TOGARAM1: variants seen among roughly 807,000 people sequenced by gnomAD.
TOGARAM1 encodes the protein TOG array regulator of axonemal microtubules 1.
In TOGARAM1, 100 loss-of-function variants were observed where a neutral mutation model predicts 166.6. The ratio of observed to expected loss-of-function variants is 0.60; its 90% CI spans 0.51 to 0.71. The LOEUF is 0.71. TOGARAM1 is among the 30% of genes least tolerant of loss of function. The pLI, the probability that TOGARAM1 is intolerant of heterozygous loss-of-function variation, is 0.00. For missense variants in TOGARAM1, 2,029 were observed against 2,102.7 expected (o/e 0.96, Z 0.69); for synonymous variants, 758 against 763.8 (o/e 0.99, Z 0.13).
chr14:44,971,887 GGTAATTTA>G (rs760409910), intron 1 of TOGARAM1, among the ~76,000 whole-genome samples: 5 of 152,108 alleles, frequency 3.3e-5, no homozygotes, highest in Admixed American at 6.6e-5. Context: ...ACTGAGACAA[GGTAATTTA>G]TAAAGAAAAG....
At chr14:44,965,786 G>A (rs534172498) in intron 1 of TOGARAM1, among the ~76,000 whole-genome samples, 17 of 151,608 alleles carry the variant, frequency 1.1e-4, no homozygotes, top group Admixed American at 3.3e-4. Flanking sequence ...AGAATACCCC[G>A]ACAACTTTTC....
chr14:45,046,665 T>C lies in TOGARAM1; in HGVS notation c.4275T>C (p.Ala1425=). ...ATATGGCTGAACGCATATTACCAGC[T>C]GCTGCTAAGTTTGCTCAAGACAGTT... The part of the protein sequence containing the change: ...AKDMAERILP[A]AAKFAQDSSQ... Residue 1425 remains alanine, a synonymous_variant, in exon 14 of 20, where the codon GCT becomes GCC. Coordinates refer to ENST00000361462, the MANE Select transcript of TOGARAM1 (RefSeq NM_001308120.2). 2 of 1,329,718 alleles carry C rather than the reference T, an allele frequency of 1.5e-6. No homozygotes were observed. 82.4% of individuals were successfully genotyped at this position (1,329,718 alleles called of 1,614,324 possible). A position where few individuals can be genotyped will look rare whatever the true frequency, so the allele number is the denominator to read the frequency against.
chr14:45,069,193 AC>A (rs1883270440), intron 18 of TOGARAM1, among the ~76,000 whole-genome samples: 1 of 151,880 alleles, frequency 6.6e-6, no homozygotes, highest in Non-Finnish European at 1.5e-5. Context: ...ATATAGTGAA[AC>A]CCCATCTCTA....
intron 16 of TOGARAM1, among the ~76,000 whole-genome samples, chr14:45,063,479 GTTTTTTTT>G (rs373702236): frequency 8.4e-6 from 1 of 118,690 alleles, no homozygotes; most frequent in Admixed American, 8.4e-5. Flanking sequence ...ATTTGACAAA[GTTTTTTTT>G]TTTTTTTTTT....
intron 1 of TOGARAM1, among the ~76,000 whole-genome samples, chr14:44,973,868 G>A (rs557586416): frequency 1.3e-5 from 2 of 151,588 alleles, no homozygotes; most frequent in South Asian, 4.2e-4. Flanking sequence ...TGAGAAGTTA[G>A]ATGTAATTCT....
intron 16 of TOGARAM1, among the ~76,000 whole-genome samples, chr14:45,061,331 ATCT>A (rs1882893072): frequency 1.3e-5 from 2 of 152,186 alleles, no homozygotes; most frequent in African/African-American, 4.8e-5. Context: ...ATTCTCCAGC[ATCT>A]TCTTGTATTT....
intron 13 of TOGARAM1, among the ~76,000 whole-genome samples, chr14:45,045,673 A>G (rs982100874): frequency 4.0e-5 from 4 of 100,320 alleles, no homozygotes; most frequent in African/African-American, 1.3e-4. Context: ...ATATATGTGT[A>G]TATATATACA....
At chr14:44,983,884 G>T (rs1178974153) in intron 1 of TOGARAM1, among the ~76,000 whole-genome samples, 1 of 152,062 alleles carries the variant, frequency 6.6e-6, no homozygotes. Context: ...TGTAAATGTT[G>T]CTTATGTCAG....
rs765749477 is a variant in TOGARAM1, at chr14:44,963,446, C to G, written c.1025C>G (p.Ser342Cys). ...CCCCTTCCCTGTGCAGTGACTCTTT[C>G]CAACAGCAATCTTAAATTTGGGATT... ...EDPLPCAVTL[S>C]NSNLKFGIIP... is the part of the protein sequence containing the mutation. Residue 342 changes from serine (S) to cysteine (C), a missense_variant, in exon 1 of 20, where the codon TCC (serine) becomes TGC (cysteine). Physicochemically the swap from Ser to Cys is moderately radical, Grantham distance 112. Around this residue, in one of 2 missense-constraint regions of TOGARAM1, gnomAD observed 1,453 missense variants for 1,432.2 expected, o/e 1.01. Coordinates refer to ENST00000361462, the MANE Select transcript of TOGARAM1 (RefSeq NM_001308120.2). 21 of 1,614,042 alleles carry G rather than the reference C, an allele frequency of 1.3e-5. No individual in the cohort carries two copies. The highest frequency in any genetic ancestry group is 1.8e-5 in the Non-Finnish European group (21 of 1,180,040).
chr14:45,045,703 G>A (rs945431834), intron 13 of TOGARAM1, among the ~76,000 whole-genome samples: 2 of 95,392 alleles, frequency 2.1e-5, no homozygotes, highest in Admixed American at 1.0e-4. Flanking sequence ...ACATATATAT[G>A]TGTATATATA....
intron 16 of TOGARAM1, among the ~76,000 whole-genome samples, chr14:45,062,624 C>T (rs769556233): frequency 5.5e-4 from 83 of 152,092 alleles, no homozygotes; most frequent in Non-Finnish European, 2.2e-4. Context: ...GCATTTAGTA[C>T]AGTAGAAACT....
intron 14 of TOGARAM1, 115 bp from the exon 15 acceptor site, chr14:45,052,321 G>T: frequency 1.3e-6 from 1 of 761,028 alleles, no homozygotes; most frequent in Non-Finnish European, 2.1e-6. Context: ...ATATAGGGAT[G>T]GTAATCTTGA....
intron 11 of TOGARAM1, 30 bp from the exon 12 acceptor site, chr14:45,043,656 G>T: frequency 8.1e-7 from 1 of 1,238,766 alleles, no homozygotes; most frequent in South Asian, 1.2e-5. Flanking sequence ...CCCATTTAAC[G>T]AATGATCTTG....
chr14:45,020,434 A>AT (rs905297515), intron 7 of TOGARAM1, among the ~76,000 whole-genome samples: 13 of 152,208 alleles, frequency 8.5e-5, no homozygotes, highest in African/African-American at 3.1e-4. Flanking sequence ...CCATGTCACC[A>AT]TTTAGTTCTT....
intron 16 of TOGARAM1, among the ~76,000 whole-genome samples, chr14:45,055,304 GCT>G (rs1352462626): frequency 1.3e-5 from 2 of 152,154 alleles, no homozygotes; most frequent in Non-Finnish European, 2.9e-5. Context: ...TGAAAAGAGT[GCT>G]CTTTCCTCCA....
intron 1 of TOGARAM1, among the ~76,000 whole-genome samples, chr14:44,979,439 C>A (rs192024049): frequency 1.3e-5 from 2 of 152,066 alleles, no homozygotes; most frequent in Non-Finnish European, 2.9e-5. Flanking sequence ...GGCACTAATC[C>A]CATACTTGAG....
chr14:44,978,995 A>C (rs909791823), intron 1 of TOGARAM1, among the ~76,000 whole-genome samples: 1 of 150,936 alleles, frequency 6.6e-6, no homozygotes, highest in Non-Finnish European at 1.5e-5. Context: ...AATGTCACTA[A>C]CCAATCCTAC....
intron 1 of TOGARAM1, among the ~76,000 whole-genome samples, chr14:44,973,750 C>T (rs1277076611): frequency 6.6e-6 from 1 of 151,122 alleles, no homozygotes; most frequent in Non-Finnish European, 1.5e-5. Context: ...TTTTTCTTCA[C>T]TTGTGAAAGA....
chr14:44,964,321 A>G lies in TOGARAM1; in HGVS notation c.1900A>G (p.Met634Val). ...CTGTGGTGACCACGTGAGGGATAGC[A>G]TGCACATTTATGGATCTTACAGCCC... ...CHCGDHVRDSMHIYGSYSPTI... is the reference protein window; with the variant it reads ...CHCGDHVRDSVHIYGSYSPTI... The change falls in exon 1 of 20, where the codon ATG becomes GTG. Residue 634 changes from methionine to valine, a missense_variant. Physicochemically the swap from Met to Val is conservative, Grantham distance 21. Around this residue, in one of 2 missense-constraint regions of TOGARAM1, gnomAD observed 1,453 missense variants for 1,432.2 expected, o/e 1.01. Coordinates refer to ENST00000361462, the MANE Select transcript of TOGARAM1 (RefSeq NM_001308120.2). 1 of 1,614,234 alleles carries G rather than the reference A, an allele frequency of 6.2e-7. No homozygotes were observed. Among genetic ancestry groups the G allele is most frequent in the Non-Finnish European group, 8.5e-7 (1 of 1,180,042 alleles).
Sources: allele counts gnomAD v4.1 joint callset (sites outside exome capture counted in the v4.1 genomes callset), GRCh38; gene constraint gnomAD v4.1.1; regional missense constraint gnomAD v4.1.1; transcripts MANE v1.5; gene names NCBI Gene and HGNC (gene_info 2026-07-23, HGNC 2026-07-21).